Variants in MTA3 observed in about 807,000 individuals in gnomAD.
MTA3 encodes metastasis-associated protein MTA3.
A neutral mutation model predicts 83.5 loss-of-function variants in MTA3; 34 were observed. The observed-to-expected ratio is 0.41, with a 90% CI of 0.31 to 0.54. MTA3 has a LOEUF of 0.54. MTA3 is among the 20% of genes least tolerant of loss of function. The pLI, the probability that MTA3 is intolerant of heterozygous loss-of-function variation, is 0.33. For synonymous variants in MTA3, 303 were observed against 252.7 expected (o/e 1.20, Z -1.89); for missense variants, 761 against 726.4 (o/e 1.05, Z -0.55).
At chr2:42,540,466 C>G (rs1558423354) in intron 2 of MTA3, among the ~76,000 whole-genome samples, 1 of 151,898 alleles carries the variant, frequency 6.6e-6, no homozygotes, top group Non-Finnish European at 1.5e-5. Context: ...GCCACAATAC[C>G]CAGGCTGTAA....
rs751732420 is a variant in MTA3 at position 42,569,457 on chromosome 2, A to C, written c.28+684A>C. 1.0e-3 allele frequency: 156 copies of C among 151,950 alleles called. 1 individual carries two copies. The highest frequency in any genetic ancestry group is 6.2e-4 in the Non-Finnish European group (42 of 67,934). 9.4% of individuals were successfully genotyped at this position (151,950 alleles called of 1,614,324 possible). A position where few individuals can be genotyped will look rare whatever the true frequency, so the allele number is the denominator to read the frequency against. ...ATAAGGTCAAACAAACTTTCTCCCT[A>C]CTCACGACGCCCTCCTCCCTCTTTC... On this transcript the variant is annotated intron_variant, in intron 1 of 16. Transcript: ENST00000405094.
intron 6 of MTA3, 150 bp from the exon 7 acceptor site, chr2:42,656,050 T>C: frequency 1.8e-6 from 1 of 567,738 alleles, no homozygotes; most frequent in South Asian, 2.4e-5. Context: ...AACGAGGTGT[T>C]GTACATCTAC....
intron 2 of MTA3, among the ~76,000 whole-genome samples, chr2:42,506,897 G>A (rs189885422): frequency 3.9e-4 from 59 of 151,988 alleles, no homozygotes; most frequent in African/African-American, 1.3e-3. Flanking sequence ...GTGAGCCACC[G>A]CGCCTGGCCT....
intron 14 of MTA3, 101 bp downstream of exon 14, chr2:42,709,197 A>T: frequency 1.4e-6 from 2 of 1,476,092 alleles, no homozygotes; most frequent in Non-Finnish European, 9.0e-7. Flanking sequence ...TGCAATAAAC[A>T]TAAGTTCTTG....
intron 16 of MTA3, among the ~76,000 whole-genome samples, chr2:42,744,749 C>G (rs1218768622): frequency 6.6e-6 from 1 of 152,160 alleles, no homozygotes; most frequent in African/African-American, 2.4e-5. Flanking sequence ...ACTCATCCAT[C>G]AAAAGAGCAG....
intron 3 of MTA3, among the ~76,000 whole-genome samples, chr2:42,605,679 T>C (rs1573213864): frequency 9.3e-6 from 1 of 107,662 alleles, no homozygotes; most frequent in Non-Finnish European, 2.0e-5. Context: ...CCCCCCCACC[T>C]CCCTCCCGGA....
intron 11 of MTA3, among the ~76,000 whole-genome samples, chr2:42,701,422 C>CAA (rs139663615): frequency 0.14 from 16,266 of 116,784 alleles, 1,280 homozygotes; most frequent in South Asian, 0.19. Context: ...CTGTATCTAT[C>CAA]AAAAAAAAAA....
Position 42,756,609 on chromosome 2 carries a change from G to C in MTA3, c.*3210G>C. ...TGGAGATTCTGTTTTACTCTGCCTAGAGAGGAAACGGCTTTGGGGAGGGAG... is the reference window on the plus strand; with the variant it reads ...TGGAGATTCTGTTTTACTCTGCCTACAGAGGAAACGGCTTTGGGGAGGGAG... On this transcript the variant is annotated 3_prime_UTR_variant, in exon 17 of 17. Coordinates refer to ENST00000405094, the MANE Select transcript of MTA3 (RefSeq NM_001330442.2). 1 of 985,626 alleles carries C rather than the reference G, an allele frequency of 1.0e-6. No individual in the cohort carries two copies. The highest frequency in any genetic ancestry group is 1.2e-6 in the Non-Finnish European group (1 of 830,060). The allele number at this position is 985,626 out of a possible 1,614,324, so 61.1% of individuals were successfully genotyped here. A position where few individuals can be genotyped will look rare whatever the true frequency, so the allele number is the denominator to read the frequency against.
At chr2:42,640,702 TG>T (rs1558532795) in intron 5 of MTA3, among the ~76,000 whole-genome samples, 1 of 152,184 alleles carries the variant, frequency 6.6e-6, no homozygotes, top group East Asian at 1.9e-4. Context: ...CAACAAGAAA[TG>T]TAGTTAACAA....
intron 12 of MTA3, 150 bp from the exon 13 acceptor site, chr2:42,707,753 C>A: frequency 2.4e-6 from 2 of 824,140 alleles, no homozygotes; most frequent in Non-Finnish European, 3.5e-6. Flanking sequence ...ATTAAAAAAA[C>A]AAATATACTA....
intron 16 of MTA3, among the ~76,000 whole-genome samples, chr2:42,740,801 T>C (rs1414469731): frequency 6.6e-6 from 1 of 152,244 alleles, no homozygotes; most frequent in African/African-American, 2.4e-5. Flanking sequence ...ATAGGCAGAA[T>C]AGATTAAGCA....
At chr2:42,502,732 G>A (rs1412264556) in intron 2 of MTA3, among the ~76,000 whole-genome samples, 1 of 150,078 alleles carries the variant, frequency 6.7e-6, no homozygotes, top group Non-Finnish European at 1.5e-5. Flanking sequence ...TAGAGGCGGA[G>A]GTTGTGGTGA....
In MTA3 at chr2:42,629,129, G is replaced by A. The variant is rs1032118120; in HGVS notation, c.318-11044G>A. 2.0e-5 allele frequency among the ~76,000 whole-genome samples: 3 copies of A among 152,042 alleles called. No individual in the cohort carries two copies. The South Asian group carries it at 6.2e-4, about 32-fold the overall frequency. On this transcript the variant is annotated intron_variant, in intron 4 of 16. Coordinates refer to ENST00000405094, the MANE Select transcript of MTA3 (RefSeq NM_001330442.2). Reference sequence around the variant, plus strand: ...GAGTCTTGCTCTGTGGCCCACGCTGGAGTGCAGTAATGTGATCTCAGCTCC... The same window carrying A: ...GAGTCTTGCTCTGTGGCCCACGCTGAAGTGCAGTAATGTGATCTCAGCTCC...
intron 4 of MTA3, among the ~76,000 whole-genome samples, chr2:42,622,084 G>T (rs1350772274): frequency 1.3e-5 from 2 of 152,302 alleles, no homozygotes; most frequent in African/African-American, 2.4e-5. Context: ...AGCGAGCCGA[G>T]ATCACGCCAC....
chr2:42,699,212 T>A lies in MTA3; in HGVS notation c.1025+1378T>A, dbSNP rs550006122. On this transcript the variant is annotated intron_variant, in intron 11 of 16. Transcript: ENST00000405094. ...TAAAATTTTGCTTGATTTTTGTTTT[T>A]GTTTTGTGAGATGAGGTCTTGCTCT... is the stretch of plus-strand genomic sequence containing the variant. Among the ~76,000 whole-genome samples the A allele has an allele frequency of 2.4e-4, 36 of 152,342 alleles. No individual in the cohort carries two copies. The South Asian group carries it at 3.3e-3, about 14-fold the overall frequency.
chr2:42,607,264 A>C (rs1488247633), intron 3 of MTA3, among the ~76,000 whole-genome samples: 2 of 152,206 alleles, frequency 1.3e-5, no homozygotes, highest in African/African-American at 4.8e-5. Flanking sequence ...AGCAAAGCAT[A>C]CTGTGAAGTA....
intron 4 of MTA3, among the ~76,000 whole-genome samples, chr2:42,630,282 G>C (rs991800477): frequency 2.0e-5 from 3 of 152,088 alleles, no homozygotes; most frequent in Non-Finnish European, 4.4e-5. Context: ...TACATTTCTG[G>C]CCATAACCTG....
chr2:42,745,387 C>A (rs1669332182), intron 16 of MTA3, among the ~76,000 whole-genome samples: 1 of 152,150 alleles, frequency 6.6e-6, no homozygotes, highest in Non-Finnish European at 1.5e-5. Flanking sequence ...ATTTAAGTAT[C>A]TGGGACTGAA....
chr2:42,552,149 G>A (rs1209251956), intron 2 of MTA3, among the ~76,000 whole-genome samples: 3 of 152,114 alleles, frequency 2.0e-5, no homozygotes, highest in Non-Finnish European at 2.9e-5. Flanking sequence ...CTGTCAAGCC[G>A]GTGAGGGAAG....
Sources: allele counts gnomAD v4.1 joint callset (sites outside exome capture counted in the v4.1 genomes callset), GRCh38; gene constraint gnomAD v4.1.1; transcripts MANE v1.5; gene names NCBI Gene and HGNC (gene_info 2026-07-23, HGNC 2026-07-21).